ADCY3: variants seen among roughly 807,000 people sequenced by gnomAD.
ADCY3 encodes the protein adenylate cyclase 3, also known as adenylate cyclase type 3.
ADCY3 carries 70 observed loss-of-function variants against 119.4 expected under a neutral mutation model. That is an observed-to-expected ratio of 0.59 (90% CI 0.48 to 0.72). ADCY3 has a LOEUF of 0.72. Ranked by LOEUF, ADCY3 falls within the 30% of genes least tolerant of loss-of-function variation. The pLI, the probability that ADCY3 is intolerant of heterozygous loss-of-function variation, is 0.00. For missense variants in ADCY3, 1,238 were observed against 1,541.6 expected (o/e 0.80, Z 3.30); for synonymous variants, 672 against 621.4 (o/e 1.08, Z -1.21).
intron 16 of ADCY3, among the ~76,000 whole-genome samples, chr2:24,825,334 C>CGGGGGGG (rs768838126): frequency 3.7e-5 from 3 of 81,562 alleles, no homozygotes; most frequent in African/African-American, 2.0e-4. Context: ...GTGGTTGTGG[C>CGGGGGGG]GGGGGGGGGG....
chr2:24,864,858 A>G (rs1674092774), intron 3 of ADCY3, among the ~76,000 whole-genome samples: 1 of 152,242 alleles, frequency 6.6e-6, no homozygotes, highest in South Asian at 2.1e-4. Context: ...GGTAAATTTT[A>G]TACTATGTAT....
Position 24,819,838 on chromosome 2 carries a change from A to G in ADCY3, c.*94T>C, listed in dbSNP as rs928025511. On this transcript the variant is annotated 3_prime_UTR_variant, in exon 22 of 22. Transcript: ENST00000679454. ...GAGGTTTCTAAACCTAAAGTCCATGAGTGTGCACTTCAATCCAGGAAGGTC... is the reference window on the plus strand; with the variant it reads ...GAGGTTTCTAAACCTAAAGTCCATGGGTGTGCACTTCAATCCAGGAAGGTC... 1.8e-5 allele frequency: 24 copies of G among 1,335,930 alleles called. No individual in the cohort carries two copies. In the African/African-American group the frequency reaches 3.5e-4, roughly 20 times the overall value. 82.8% of individuals were successfully genotyped at this position (1,335,930 alleles called of 1,614,324 possible).
chr2:24,917,200 G>C (rs1026835557), intron 2 of ADCY3, among the ~76,000 whole-genome samples: 9 of 152,204 alleles, frequency 5.9e-5, no homozygotes, highest in Admixed American at 1.3e-4. Flanking sequence ...GGCTGCTAGA[G>C]GCTCACGTCA....
intron 2 of ADCY3, among the ~76,000 whole-genome samples, chr2:24,880,968 T>C (rs1676327985): frequency 6.7e-6 from 1 of 149,630 alleles, no homozygotes; most frequent in Non-Finnish European, 1.5e-5. Context: ...TGAGCCAAGA[T>C]AGCACCACTG....
At chr2:24,882,094 T>C (rs998643476) in intron 2 of ADCY3, among the ~76,000 whole-genome samples, 1 of 152,224 alleles carries the variant, frequency 6.6e-6, no homozygotes, top group African/African-American at 2.4e-5. Flanking sequence ...ACAAGTAGAT[T>C]TATTTTTATG....
rs1306362810 is a variant in ADCY3, at chr2:24,838,770, TGCCACTAACTAGCTGTGTGG to T, written c.1356-168_1356-149del. ...GGCAGAGGCCAAGTGGAGGCAGTTC[TGCCACTAACTAGCTGTGTGG>T]GCCGCTAACTAGCTGTGTGGGCCGC... On this transcript the variant is annotated intron_variant, in intron 7 of 21. Coordinates refer to ENST00000679454, the MANE Select transcript of ADCY3 (RefSeq NM_004036.5). 61 of 1,590,484 alleles carry T rather than the reference TGCCACTAACTAGCTGTGTGG, an allele frequency of 3.8e-5. No individual in the cohort carries two copies. In the East Asian group the frequency reaches 4.9e-4, roughly 13 times the overall value.
intron 12 of ADCY3, 33 bp from the exon 13 acceptor site, chr2:24,830,858 C>T: frequency 6.5e-7 from 1 of 1,548,900 alleles, no homozygotes. Context: ...GGCCATGAGC[C>T]TTTGCCAGTC....
chr2:24,908,348 A>G (rs1396655978), intron 2 of ADCY3, among the ~76,000 whole-genome samples: 2 of 152,216 alleles, frequency 1.3e-5, no homozygotes, highest in Non-Finnish European at 2.9e-5. Context: ...AAAAAAAAGT[A>G]GACAAATGCC....
rs777118828 is a variant in ADCY3, at chr2:24,828,105, C to T, written c.2229G>A (p.Thr743=). Reference sequence around the variant, plus strand: ...TGGGGTTCTCCAGGCAGCTGCCCTCCGTTTCCATCCCTGCCGTTGCATTGC... The same window carrying T: ...TGGGGTTCTCCAGGCAGCTGCCCTCTGTTTCCATCCCTGCCGTTGCATTGC... ...GPSNATAGME[T]EGSCLENPKY... is the part of the protein sequence containing the mutation. The change falls in exon 14 of 22, where the codon ACG becomes ACA. Residue 743 remains threonine, a synonymous_variant. Transcript: ENST00000679454. The T allele has an allele frequency of 4.6e-5, 74 of 1,613,978 alleles. 1 individual carries two copies. The South Asian group carries it at 4.6e-4, about 10-fold the overall frequency.
Position 24,842,763 on chromosome 2 carries a change from T to C in ADCY3, c.826-379A>G. Among the ~76,000 whole-genome samples the C allele has an allele frequency of 6.6e-6, 1 of 152,182 alleles. No homozygotes were observed. Among genetic ancestry groups the C allele is most frequent in the East Asian group, 1.9e-4 (1 of 5,182 alleles). ...GGTCACCTCAGCCACCCGCCACGGC[T>C]GCACAGAGCCATCGCTCACAAAATT... On this transcript the variant is annotated intron_variant, in intron 3 of 21. Transcript: ENST00000679454. The surrounding 1 kb of genome is among the most constrained non-coding windows in gnomAD (Gnocchi z 4.9).
chr2:24,858,231 G>C (rs1450247917), intron 3 of ADCY3, among the ~76,000 whole-genome samples: 1 of 151,654 alleles, frequency 6.6e-6, no homozygotes, highest in Non-Finnish European at 1.5e-5. Context: ...CTGGGCTCAA[G>C]AGGGGCTCAG....
intron 3 of ADCY3, among the ~76,000 whole-genome samples, chr2:24,846,931 G>A (rs779318112): frequency 1.6e-4 from 24 of 152,304 alleles, no homozygotes; most frequent in Admixed American, 3.3e-4. Flanking sequence ...TCTCAGATGA[G>A]ACTTTGGACT....
At chr2:24,820,409 C>G (rs909074432) in intron 21 of ADCY3, 3 of 1,323,932 alleles carry the variant, frequency 2.3e-6, no homozygotes, top group Non-Finnish European at 2.9e-6. Context: ...GCCTGCTCTT[C>G]TGTCCCTTTG....
At chr2:24,865,731 C>T (rs1219238977) in intron 3 of ADCY3, among the ~76,000 whole-genome samples, 1 of 151,880 alleles carries the variant, frequency 6.6e-6, no homozygotes, top group Non-Finnish European at 1.5e-5. Flanking sequence ...ACCCTCCAGC[C>T]AAGAACAACT....
intron 2 of ADCY3, among the ~76,000 whole-genome samples, chr2:24,876,866 A>G (rs551008886): frequency 1.3e-5 from 2 of 152,264 alleles, no homozygotes; most frequent in South Asian, 2.1e-4. Context: ...CCAGGCCTTG[A>G]GCTCTGCTGA....
chr2:24,899,487 C>T lies in ADCY3; in HGVS notation c.675+18826G>A, dbSNP rs1055263405. Among the ~76,000 whole-genome samples the T allele has an allele frequency of 2.6e-5, 4 of 152,234 alleles. No homozygotes were observed. The highest frequency in any genetic ancestry group is 6.5e-5 in the Admixed American group (1 of 15,284). Reference sequence around the variant, plus strand: ...CCCTGGATTTCCTGCCCAGTAGGCCCTTGAAAGATGCCTTCTTGCTGCTGC... The same window carrying T: ...CCCTGGATTTCCTGCCCAGTAGGCCTTTGAAAGATGCCTTCTTGCTGCTGC... On this transcript the variant is annotated intron_variant, in intron 2 of 21. Transcript: ENST00000679454. The surrounding 1 kb of genome is among the most constrained non-coding windows in gnomAD (Gnocchi z 4.5).
In ADCY3 at chr2:24,898,483, G is replaced by A. The variant is rs953068791; in HGVS notation, c.675+19830C>T. On this transcript the variant is annotated intron_variant, in intron 2 of 21. Transcript: ENST00000679454. The surrounding 1 kb of genome is among the most constrained non-coding windows in gnomAD (Gnocchi z 4.3). ...TGCTTCATGAAGGGGTGAGTCAGGCGCCATCTCTCCTTTTTCCAAAAGGAA... is the reference window on the plus strand; with the variant it reads ...TGCTTCATGAAGGGGTGAGTCAGGCACCATCTCTCCTTTTTCCAAAAGGAA... 2.6e-5 allele frequency among the ~76,000 whole-genome samples: 4 copies of A among 152,090 alleles called. No individual in the cohort carries two copies. The highest frequency in any genetic ancestry group is 4.4e-5 in the Non-Finnish European group (3 of 68,012).
rs990105727 is a variant in ADCY3 at position 24,830,105 on chromosome 2, A to G, written c.2172+604T>C. Reference sequence around the variant, plus strand: ...GCCTAGGCTGGAGTGCAGCGGCTCAATCTCGGCTCACTGCAACCTCCGCCT... The same window carrying G: ...GCCTAGGCTGGAGTGCAGCGGCTCAGTCTCGGCTCACTGCAACCTCCGCCT... On this transcript the variant is annotated intron_variant, in intron 13 of 21. Coordinates refer to ENST00000679454, the MANE Select transcript of ADCY3 (RefSeq NM_004036.5). 8.9e-5 allele frequency among the ~76,000 whole-genome samples: 13 copies of G among 146,492 alleles called. 1 individual carries two copies. Among genetic ancestry groups the G allele is most frequent in the Non-Finnish European group, 7.4e-5 (5 of 67,158 alleles).
In ADCY3 at chr2:24,854,424, C is replaced by T. The variant is rs907608668; in HGVS notation, c.826-12040G>A. Among the ~76,000 whole-genome samples, 6 of 152,156 alleles carry T rather than the reference C, an allele frequency of 3.9e-5. No homozygotes were observed. The East Asian group carries it at 7.7e-4, about 20-fold the overall frequency. ...CATGCCCTGGGCAGGTACTTCACCC[C>T]GGGGGCTTGGTTCCTTATCTATAAA... On this transcript the variant is annotated intron_variant, in intron 3 of 21. Transcript: ENST00000679454.
Sources: allele counts gnomAD v4.1 joint callset (sites outside exome capture counted in the v4.1 genomes callset), GRCh38; gene constraint gnomAD v4.1.1; non-coding constraint Gnocchi (gnomAD v3.1); transcripts MANE v1.5; gene names NCBI Gene and HGNC (gene_info 2026-07-23, HGNC 2026-07-21).